DISP1: variants seen among roughly 807,000 people sequenced by gnomAD.
The protein encoded by DISP1 is dispatched RND transporter family member 1.
In DISP1, 30 loss-of-function variants were observed where a neutral mutation model predicts 37.3. The observed-to-expected ratio is 0.80, with a 90% CI of 0.60 to 1.09. DISP1 has a LOEUF of 1.09. DISP1 is among the 50% of genes least tolerant of loss of function. The pLI, the probability that DISP1 is intolerant of heterozygous loss-of-function variation, is 0.00. For synonymous variants in DISP1, 634 were observed against 690.2 expected (o/e 0.92, Z 1.28); for missense variants, 1,598 against 1,879.5 (o/e 0.85, Z 2.77).
At chr1:222,847,848 T>C (rs1668004537) in intron 1 of DISP1, among the ~76,000 whole-genome samples, 1 of 152,186 alleles carries the variant, frequency 6.6e-6, no homozygotes, top group Non-Finnish European at 1.5e-5. Flanking sequence ...GAAGGAGCCA[T>C]GTAGAATTTT....
At position 222,899,827 on chromosome 1, in the gene DISP1, A is replaced by G. The variant is rs144230361; in HGVS notation, c.-158-28603A>G. The G allele has an allele frequency of 6.7e-3, 1,027 of 152,310 alleles. 14 individuals carry two copies. The highest frequency in any genetic ancestry group is 0.023 in the African/African-American group (950 of 41,524). The allele number at this position is 152,310 out of a possible 1,614,324, so 9.4% of individuals were successfully genotyped here. ...GGCCTTGAACTCCTGGGCTCAAGCCATCTACCTGCCTCGACCTCCCAGAGT... is the reference window on the plus strand; with the variant it reads ...GGCCTTGAACTCCTGGGCTCAAGCCGTCTACCTGCCTCGACCTCCCAGAGT... On this transcript the variant is annotated intron_variant, in intron 1 of 8. Transcript: ENST00000675850.
rs9441940 is a variant in DISP1, at chr1:223,005,136, G to T, written c.3739G>T (p.Ala1247Ser). 1.5e-4 allele frequency: 248 copies of T among 1,613,972 alleles called. No individual in the cohort carries two copies. Among genetic ancestry groups the T allele is most frequent in the East Asian group, 1.8e-4 (8 of 44,878 alleles). ...SELSKSTESD[A>S]GSALLQPPLE... ...ACTCAGCAAAAGCACTGAAAGTGACGCTGGCTCTGCCTTGTTACAGCCCCC... is the reference window on the plus strand; with the variant it reads ...ACTCAGCAAAAGCACTGAAAGTGACTCTGGCTCTGCCTTGTTACAGCCCCC... The change falls in exon 9 of 9, where the codon GCT becomes TCT. Residue 1247 changes from alanine (A) to serine (S), a missense_variant. By Grantham distance (99) the Ala-to-Ser change is moderately conservative (BLOSUM62 1). Coordinates refer to ENST00000675850, the MANE Select transcript of DISP1 (RefSeq NM_001377229.1).
At chr1:222,844,264 A>T (rs908835525) in intron 1 of DISP1, among the ~76,000 whole-genome samples, 1 of 152,176 alleles carries the variant, frequency 6.6e-6, no homozygotes, top group African/African-American at 2.4e-5. Flanking sequence ...GTTGAAGATT[A>T]AGTGGCTTGT....
chr1:222,854,207 G>C lies in DISP1; in HGVS notation c.-159+39129G>C, dbSNP rs555183360. Reference sequence around the variant, plus strand: ...CTCTTAACAAGACTGAATCATAGAAGCTAGGCGTCTTAGTCCGTTCTCATG... The same window carrying C: ...CTCTTAACAAGACTGAATCATAGAACCTAGGCGTCTTAGTCCGTTCTCATG... On this transcript the variant is annotated intron_variant, in intron 1 of 8. Coordinates refer to ENST00000675850, the MANE Select transcript of DISP1 (RefSeq NM_001377229.1). Among the ~76,000 whole-genome samples, 3 of 152,292 alleles carry C rather than the reference G, an allele frequency of 2.0e-5. No individual in the cohort carries two copies. The South Asian group carries it at 6.2e-4, about 32-fold the overall frequency.
intron 1 of DISP1, among the ~76,000 whole-genome samples, chr1:222,927,554 A>G (rs1254646127): frequency 6.6e-6 from 1 of 152,070 alleles, no homozygotes; most frequent in Admixed American, 6.6e-5. Flanking sequence ...ATGAAGTCCA[A>G]TTTTATCTTT....
chr1:222,846,738 T>C (rs1023524395), intron 1 of DISP1, among the ~76,000 whole-genome samples: 1 of 152,252 alleles, frequency 6.6e-6, no homozygotes. Flanking sequence ...TGATTCTCCA[T>C]TGTGATGAAT....
chr1:222,899,252 G>C (rs1052455083), intron 1 of DISP1, among the ~76,000 whole-genome samples: 2 of 152,048 alleles, frequency 1.3e-5, no homozygotes, highest in Admixed American at 1.3e-4. Context: ...AGGAGTTGTG[G>C]GGGGAGCAAG....
chr1:222,918,846 G>GA (rs1186484033), intron 1 of DISP1, among the ~76,000 whole-genome samples: 2 of 152,274 alleles, frequency 1.3e-5, no homozygotes, highest in Non-Finnish European at 2.9e-5. Flanking sequence ...CAGAAGCTGA[G>GA]ATACAGCTTG....
intron 8 of DISP1, 108 bp downstream of exon 8, chr1:222,995,090 C>T (rs567192711): frequency 4.2e-5 from 37 of 889,088 alleles, no homozygotes; most frequent in South Asian, 3.4e-4. Flanking sequence ...ACTTCAGAGG[C>T]TTACCTACTG....
At chr1:222,904,573 TA>T (rs63113860) in intron 1 of DISP1, among the ~76,000 whole-genome samples, 11,067 of 150,822 alleles carry the variant, frequency 0.073, 476 homozygotes, top group East Asian at 0.22. Context: ...TTTTTTATTT[TA>T]TTTTTTTTTT....
rs1674268343 is a variant in DISP1 at position 222,940,044 on chromosome 1, T to C, written c.-17-2763T>C. On this transcript the variant is annotated intron_variant, in intron 2 of 8. Transcript: ENST00000675850. Reference sequence around the variant, plus strand: ...GGGAAGCTGAGGCAGGAGAATGGCATGAACCTGGGAGGTGGAGCTTACAGT... The same window carrying C: ...GGGAAGCTGAGGCAGGAGAATGGCACGAACCTGGGAGGTGGAGCTTACAGT... Among the ~76,000 whole-genome samples the C allele has an allele frequency of 4.6e-5, 7 of 151,220 alleles. No individual in the cohort carries two copies. In the South Asian group the frequency reaches 1.5e-3, roughly 31 times the overall value.
chr1:222,996,001 C>T (rs1679041094), intron 8 of DISP1, among the ~76,000 whole-genome samples: 1 of 152,058 alleles, frequency 6.6e-6, no homozygotes, highest in African/African-American at 2.4e-5. Context: ...TTAGTTGGTC[C>T]CAGACCTCCC....
chr1:222,830,367 T>C (rs1399051440), intron 1 of DISP1, among the ~76,000 whole-genome samples: 1 of 152,026 alleles, frequency 6.6e-6, no homozygotes, highest in East Asian at 1.9e-4. Flanking sequence ...CTTTCTTCCT[T>C]CCGTCCTTCC....
Position 223,002,459 on chromosome 1 carries a change from G to A in DISP1, c.1062G>A (p.Leu354=), listed in dbSNP as rs750215736. Residue 354 remains leucine, a synonymous_variant, in exon 9 of 9, where the codon CTG becomes CTA. Transcript: ENST00000675850. The part of the protein sequence containing the change: ...TAASCCPSWT[L]GNYIAILNNR... Reference sequence around the variant, plus strand: ...CCTCCTGCTGCCCCAGCTGGACACTGGGAAACTACATCGCCATTCTGAACA... The same window carrying A: ...CCTCCTGCTGCCCCAGCTGGACACTAGGAAACTACATCGCCATTCTGAACA... 1.9e-6 allele frequency: 3 copies of A among 1,614,078 alleles called. No homozygotes were observed. Among genetic ancestry groups the A allele is most frequent in the Non-Finnish European group, 2.5e-6 (3 of 1,180,014 alleles).
At chr1:222,837,726 C>T (rs1446317769) in intron 1 of DISP1, among the ~76,000 whole-genome samples, 2 of 151,676 alleles carry the variant, frequency 1.3e-5, no homozygotes, top group Admixed American at 6.6e-5. Context: ...GTAATAGTAA[C>T]CAAAAATATA....
At position 223,004,591 on chromosome 1, in the gene DISP1, A is replaced by T; in HGVS notation, c.3194A>T (p.Asp1065Val). 1 of 1,614,132 alleles carries T rather than the reference A, an allele frequency of 6.2e-7. No homozygotes were observed. The change falls in exon 9 of 9, where the codon GAT becomes GTT. Residue 1065 changes from aspartate (D) to valine (V), a missense_variant. By Grantham distance (152) the Asp-to-Val change is radical. Coordinates refer to ENST00000675850, the MANE Select transcript of DISP1 (RefSeq NM_001377229.1). This position sits in a 1 kb window ranked among gnomAD's most constrained non-coding sequence, Gnocchi z 4.9. ...GGGGTTGCCTACCGCTTGGCTCCAGATCCCGACCGAGAAGGCAAAGTGATC... is the reference window on the plus strand; with the variant it reads ...GGGGTTGCCTACCGCTTGGCTCCAGTTCCCGACCGAGAAGGCAAAGTGATC... The part of the protein sequence containing the change: ...HYGVAYRLAP[D>V]PDREGKVIFS...
At chr1:222,972,144 A>G (rs1677003661) in intron 3 of DISP1, among the ~76,000 whole-genome samples, 1 of 152,096 alleles carries the variant, frequency 6.6e-6, no homozygotes, top group Admixed American at 6.6e-5. Flanking sequence ...GTGAACATAG[A>G]AATATGTTAT....
chr1:222,939,740 G>A (rs35185132), intron 2 of DISP1, among the ~76,000 whole-genome samples: 23,912 of 151,380 alleles, frequency 0.16, 1,964 homozygotes, highest in South Asian at 0.29. Context: ...TGAGGTGGGA[G>A]AATACTTGAA....
intron 3 of DISP1, among the ~76,000 whole-genome samples, chr1:222,979,179 G>T (rs903368966): frequency 1.3e-5 from 2 of 152,134 alleles, no homozygotes; most frequent in Non-Finnish European, 2.9e-5. Flanking sequence ...GAGCCTGGGC[G>T]AGAGTGTCAC....
Sources: gnomAD v4.1 joint callset for allele counts (sites outside exome capture counted in the v4.1 genomes callset) on GRCh38, gnomAD v4.1.1 for gene constraint, Gnocchi (gnomAD v3.1) non-coding constraint, MANE v1.5 for transcripts, NCBI Gene and HGNC (gene_info 2026-07-23, HGNC 2026-07-21) for gene names.